DDC: variants seen among roughly 807,000 people sequenced by gnomAD.
DDC encodes aromatic-L-amino-acid decarboxylase.
A neutral mutation model predicts 60.0 loss-of-function variants in DDC; 43 were observed. That is an observed-to-expected ratio of 0.72 (90% confidence interval 0.56 to 0.92). DDC has a LOEUF of 0.92. Among genes scored for constraint, DDC ranks in the 40% least tolerant of loss-of-function variants. The pLI is 0.00. For missense variants in DDC, 573 were observed against 620.2 expected (o/e 0.92, Z 0.81); for synonymous variants, 232 against 234.6 (o/e 0.99, Z 0.10).
intron 4 of DDC, among the ~76,000 whole-genome samples, chr7:50,533,883 T>A (rs2044300853): frequency 1.3e-5 from 2 of 152,202 alleles, no homozygotes; most frequent in African/African-American, 4.8e-5. Context: ...CTGCTGGATC[T>A]GTCCTGCAGA....
At chr7:50,475,909 CGAA>C (rs1011412753) in intron 11 of DDC, among the ~76,000 whole-genome samples, 4 of 152,022 alleles carry the variant, frequency 2.6e-5, no homozygotes, top group African/African-American at 9.7e-5. Context: ...AGGCTGGTCT[CGAA>C]GACCTGACCT....
intron 4 of DDC, among the ~76,000 whole-genome samples, chr7:50,530,872 C>T (rs745772631): frequency 6.6e-6 from 1 of 152,148 alleles, no homozygotes; most frequent in African/African-American, 2.4e-5. Flanking sequence ...AGTAGAAATG[C>T]TAACCTCTCT....
intron 4 of DDC, among the ~76,000 whole-genome samples, chr7:50,531,602 C>A (rs1460761793): frequency 6.6e-6 from 1 of 151,952 alleles, no homozygotes; most frequent in Non-Finnish European, 1.5e-5. Flanking sequence ...GAGCTTAGTT[C>A]ATGTCCTAAG....
intron 1 of DDC, among the ~76,000 whole-genome samples, chr7:50,560,701 A>G (rs1307533429): frequency 6.6e-6 from 1 of 152,206 alleles, no homozygotes; most frequent in East Asian, 1.9e-4. Flanking sequence ...TGTTGCTGTC[A>G]TGGCTCTAGG....
rs142023156 is a variant in DDC, at chr7:50,537,081, G to T, written c.435+779C>A. ...AATGCATCAAGTCCAAGTCATCCCA[G>T]TGCCATTTGTCCTGCAACCCCAGTG... is the stretch of plus-strand genomic sequence containing the variant. On this transcript the variant is annotated intron_variant, in intron 4 of 14. Transcript: ENST00000444124. Among the ~76,000 whole-genome samples the T allele has an allele frequency of 2.2e-4, 32 of 148,190 alleles. No homozygotes were observed. The East Asian group carries it at 6.1e-3, about 28-fold the overall frequency.
chr7:50,530,032 C>T (rs879617575), intron 4 of DDC, among the ~76,000 whole-genome samples: 6 of 151,914 alleles, frequency 3.9e-5, no homozygotes, highest in African/African-American at 1.2e-4. Context: ...AGAGGAGGGT[C>T]GATCACTTGA....
chr7:50,462,317 C>T (rs1024628944), intron 14 of DDC, among the ~76,000 whole-genome samples: 2 of 150,960 alleles, frequency 1.3e-5, no homozygotes, highest in Non-Finnish European at 3.0e-5. Context: ...AATGAAGAGG[C>T]TTTCTAAGGT....
intron 1 of DDC, among the ~76,000 whole-genome samples, chr7:50,562,026 T>TCC (rs2045351779): frequency 6.6e-6 from 1 of 152,066 alleles, no homozygotes; most frequent in African/African-American, 2.4e-5. Context: ...CACATACACA[T>TCC]ACCACATCCA....
At chr7:50,519,889 G>A (rs1304710502) in intron 6 of DDC, among the ~76,000 whole-genome samples, 1 of 152,016 alleles carries the variant, frequency 6.6e-6, no homozygotes, top group Non-Finnish European at 1.5e-5. Context: ...TAACTTATGG[G>A]GGAAAAAAAG....
intron 8 of DDC, among the ~76,000 whole-genome samples, chr7:50,496,447 G>A (rs1275768357): frequency 6.6e-6 from 1 of 152,000 alleles, no homozygotes; most frequent in Non-Finnish European, 1.5e-5. Flanking sequence ...CCCGTAGCTG[G>A]AAGATCCTGG....
intron 14 of DDC, among the ~76,000 whole-genome samples, chr7:50,460,190 G>A (rs1348203935): frequency 6.9e-6 from 1 of 144,480 alleles, no homozygotes; most frequent in Non-Finnish European, 1.5e-5. Context: ...GAGGTGGGGG[G>A]GTCAGCCCCT....
At chr7:50,520,212 C>G (rs114689945) in intron 6 of DDC, among the ~76,000 whole-genome samples, 1,917 of 152,266 alleles carry the variant, frequency 0.013, 37 homozygotes, top group African/African-American at 0.044. Flanking sequence ...CATCCAATGA[C>G]AGCAGAATAT....
At chr7:50,518,023 C>T (rs1255364587) in intron 6 of DDC, among the ~76,000 whole-genome samples, 1 of 151,764 alleles carries the variant, frequency 6.6e-6, no homozygotes, top group East Asian at 1.9e-4. Context: ...TGCTGGCGAA[C>T]ATGGTGAAAC....
At chr7:50,513,018 C>T (rs1197028409) in intron 6 of DDC, among the ~76,000 whole-genome samples, 1 of 152,156 alleles carries the variant, frequency 6.6e-6, no homozygotes, top group African/African-American at 2.4e-5. Flanking sequence ...GACAGAGCAG[C>T]GTGTGGAGGC....
At position 50,495,432 on chromosome 7, in the gene DDC, G is replaced by A. The variant is rs1052574079; in HGVS notation, c.877-15C>T. ...GAATCTGCAAACTGCCAAAGAACAAGAGTAAGAAAAAGAAAACATTTTCTT... is the reference window on the plus strand; with the variant it reads ...GAATCTGCAAACTGCCAAAGAACAAAAGTAAGAAAAAGAAAACATTTTCTT... On this transcript the variant is annotated splice_polypyrimidine_tract_variant and intron_variant, in intron 8 of 14. Coordinates refer to ENST00000444124, the MANE Select transcript of DDC (RefSeq NM_001082971.2). The A allele has an allele frequency of 3.8e-6, 6 of 1,589,470 alleles. No individual in the cohort carries two copies. Among genetic ancestry groups the A allele is most frequent in the Non-Finnish European group, 4.3e-6 (5 of 1,158,798 alleles).
chr7:50,478,999 C>T (rs2042708965), intron 10 of DDC, among the ~76,000 whole-genome samples: 1 of 152,224 alleles, frequency 6.6e-6, no homozygotes, highest in African/African-American at 2.4e-5. Context: ...CACTTTACCT[C>T]CTCACCAGCG....
chr7:50,551,351 C>T (rs2044987180), intron 1 of DDC, among the ~76,000 whole-genome samples: 1 of 151,924 alleles, frequency 6.6e-6, no homozygotes, highest in Non-Finnish European at 1.5e-5. Context: ...CCGCCTTGAC[C>T]TCCTGAGTAG....
intron 3 of DDC, among the ~76,000 whole-genome samples, 184 bp from the exon 4 acceptor site, chr7:50,538,163 A>C (rs772965039): frequency 2.0e-5 from 3 of 152,136 alleles, no homozygotes; most frequent in Non-Finnish European, 4.4e-5. Context: ...TTGGGAAGGA[A>C]CATACGGGCC....
At position 50,483,901 on chromosome 7, in the gene DDC, CT is replaced by C. The variant is rs1337497912; in HGVS notation, c.945-4039del. ...CCTGGGCGACAGAGCAAGATTCCAT[CT>C]CAAAAAAAAAAAAAGAATAATAATT... is the stretch of plus-strand genomic sequence containing the variant. On this transcript the variant is annotated intron_variant, in intron 9 of 14. Coordinates refer to ENST00000444124, the MANE Select transcript of DDC (RefSeq NM_001082971.2). Among the ~76,000 whole-genome samples the C allele has an allele frequency of 6.4e-4, 55 of 85,964 alleles. No individual in the cohort carries two copies. In the East Asian group the frequency reaches 0.013, roughly 20 times the overall value. 56.4% of individuals were successfully genotyped at this position (85,964 alleles called of 152,430 possible).
Sources: gnomAD v4.1 joint callset for allele counts (sites outside exome capture counted in the v4.1 genomes callset) on GRCh38, gnomAD v4.1.1 for gene constraint, MANE v1.5 for transcripts, NCBI Gene and HGNC (gene_info 2026-07-23, HGNC 2026-07-21) for gene names.